The following ADAMTSL1 variants were observed in gnomAD, a reference collection of about 807,000 sequenced individuals.
The protein encoded by ADAMTSL1 is ADAMTS like 1.
Under a neutral mutation model 201.8 loss-of-function variants are expected in ADAMTSL1, and 126 were observed. The observed-to-expected ratio is 0.62, with a 90% CI of 0.54 to 0.72. The LOEUF (loss-of-function observed/expected upper bound fraction) is 0.72, where lower values mean the gene tolerates loss of function less well. Ranked by LOEUF, ADAMTSL1 falls within the 30% of genes least tolerant of loss-of-function variation. The probability of loss-of-function intolerance (pLI) is 0.00; values close to 1 mark genes in which losing one functional copy is unlikely to be tolerated. For synonymous variants in ADAMTSL1, 1,121 were observed against 903.4 expected (o/e 1.24, Z -4.32); for missense variants, 2,679 against 2,277.8 (o/e 1.18, Z -3.59).
rs201500189 is a variant in ADAMTSL1 at position 17,975,503 on chromosome 9, C to G, written c.87+68581C>G. Among the ~76,000 whole-genome samples, 43 of 152,120 alleles carry G rather than the reference C, an allele frequency of 2.8e-4. No homozygotes were observed. In the East Asian group the frequency reaches 8.1e-3, roughly 29 times the overall value. On this transcript the variant is annotated intron_variant, in intron 1 of 29. Transcript: ENST00000680146. ...AGAGCACTAATACCATTCGTGAGGG[C>G]TGAGCCTAATCATCTCCCAAAGGCC...
At chr9:18,799,869 C>T (rs1038219566) in intron 20 of ADAMTSL1, among the ~76,000 whole-genome samples, 2 of 152,018 alleles carry the variant, frequency 1.3e-5, no homozygotes, top group Non-Finnish European at 2.9e-5. Context: ...TTCCTCTGTC[C>T]CTCCCCATCA....
intron 2 of ADAMTSL1, among the ~76,000 whole-genome samples, chr9:18,372,642 A>C (rs755808693): frequency 3.9e-5 from 6 of 152,312 alleles, no homozygotes; most frequent in Admixed American, 1.3e-4. Flanking sequence ...GTGTTCACCA[A>C]CATTATAAAA....
intron 1 of ADAMTSL1, among the ~76,000 whole-genome samples, chr9:18,033,336 C>T (rs1311548647): frequency 6.6e-6 from 1 of 152,134 alleles, no homozygotes; most frequent in Non-Finnish European, 1.5e-5. Context: ...GTACACATAT[C>T]AAAATACCAT....
At chr9:18,165,018 T>TA (rs913462602) in intron 2 of ADAMTSL1, among the ~76,000 whole-genome samples, 2 of 151,952 alleles carry the variant, frequency 1.3e-5, no homozygotes, top group African/African-American at 4.8e-5. Context: ...GGTGCTATAA[T>TA]ACATTTTCAT....
intron 2 of ADAMTSL1, among the ~76,000 whole-genome samples, chr9:18,200,920 C>A (rs1829418588): frequency 6.6e-6 from 1 of 151,814 alleles, no homozygotes; most frequent in South Asian, 2.1e-4. Context: ...CATAGTGGCC[C>A]TCAGACTCAT....
intron 2 of ADAMTSL1, among the ~76,000 whole-genome samples, chr9:18,196,944 C>T (rs1278461781): frequency 6.6e-6 from 1 of 152,072 alleles, no homozygotes; most frequent in Non-Finnish European, 1.5e-5. Context: ...AGAGTAGGCC[C>T]CTATAGCTTC....
At chr9:18,553,205 CCA>C (rs938675168) in intron 3 of ADAMTSL1, among the ~76,000 whole-genome samples, 18 of 144,698 alleles carry the variant, frequency 1.2e-4, no homozygotes, top group Non-Finnish European at 2.3e-4. Flanking sequence ...AGAGCTAGTC[CCA>C]GTCTTTTTTT....
intron 4 of ADAMTSL1, among the ~76,000 whole-genome samples, chr9:18,595,659 C>A (rs1245505455): frequency 2.6e-5 from 4 of 152,208 alleles, no homozygotes; most frequent in African/African-American, 9.6e-5. Context: ...TGGAATAGTG[C>A]CCCAGGGCAA....
At chr9:18,314,097 T>C (rs1260347853) in intron 2 of ADAMTSL1, among the ~76,000 whole-genome samples, 1 of 152,072 alleles carries the variant, frequency 6.6e-6, no homozygotes, top group Non-Finnish European at 1.5e-5. Flanking sequence ...ATGTCTATAA[T>C]CAGTAGGGAA....
At chr9:18,233,309 A>G (rs1255723195) in intron 2 of ADAMTSL1, among the ~76,000 whole-genome samples, 1 of 152,224 alleles carries the variant, frequency 6.6e-6, no homozygotes, top group African/African-American at 2.4e-5. Context: ...GAAAAACAAA[A>G]AATAACCTGT....
At chr9:18,327,245 C>G (rs1425217384) in intron 2 of ADAMTSL1, among the ~76,000 whole-genome samples, 1 of 152,198 alleles carries the variant, frequency 6.6e-6, no homozygotes, top group Non-Finnish European at 1.5e-5. Context: ...TCAACTGAAA[C>G]ATAAATAGAA....
At chr9:18,290,202 A>G (rs1833194259) in intron 2 of ADAMTSL1, among the ~76,000 whole-genome samples, 1 of 152,186 alleles carries the variant, frequency 6.6e-6, no homozygotes, top group South Asian at 2.1e-4. Flanking sequence ...AAGAGTGCCT[A>G]TACAGCACTC....
chr9:18,578,124 A>G (rs73431603), intron 4 of ADAMTSL1, among the ~76,000 whole-genome samples: 15,726 of 152,040 alleles, frequency 0.1, 943 homozygotes, highest in Middle Eastern at 0.16. Context: ...TCCTATGGCT[A>G]GTTAATGACA....
intron 2 of ADAMTSL1, among the ~76,000 whole-genome samples, chr9:18,168,998 T>G (rs763833233): frequency 2.4e-4 from 36 of 149,326 alleles, no homozygotes; most frequent in Admixed American, 6.1e-4. Context: ...TAAATTTGTT[T>G]GAGTTCATTG....
intron 2 of ADAMTSL1, among the ~76,000 whole-genome samples, chr9:18,229,987 G>A (rs561305443): frequency 7.2e-5 from 11 of 152,070 alleles, no homozygotes; most frequent in East Asian, 3.9e-4. Flanking sequence ...GTGTGCCACC[G>A]CACCCAGCCA....
intron 2 of ADAMTSL1, among the ~76,000 whole-genome samples, chr9:18,206,239 G>T (rs1829644866): frequency 6.6e-6 from 1 of 151,978 alleles, no homozygotes; most frequent in Non-Finnish European, 1.5e-5. Context: ...ATTTTTTTGT[G>T]TGTGTGTCCT....
At chr9:18,645,334 A>G (rs933691331) in intron 7 of ADAMTSL1, among the ~76,000 whole-genome samples, 1 of 152,144 alleles carries the variant, frequency 6.6e-6, no homozygotes. Flanking sequence ...CCCGTTTTGT[A>G]GGTTGCCTGT....
intron 1 of ADAMTSL1, among the ~76,000 whole-genome samples, chr9:18,033,564 C>A (rs545714727): frequency 3.9e-5 from 6 of 152,254 alleles, no homozygotes; most frequent in African/African-American, 1.4e-4. Context: ...TTCTAACCAG[C>A]CTGTTTCCCG....
intron 1 of ADAMTSL1, among the ~76,000 whole-genome samples, chr9:17,933,868 G>C (rs1042063810): frequency 4.6e-5 from 7 of 152,274 alleles, no homozygotes; most frequent in African/African-American, 1.7e-4. Context: ...TTTGACCAGA[G>C]ATTTTGGTGG....
Sources: allele counts gnomAD v4.1 joint callset (sites outside exome capture counted in the v4.1 genomes callset), GRCh38; gene constraint gnomAD v4.1.1; transcripts MANE v1.5; gene names NCBI Gene and HGNC (gene_info 2026-07-23, HGNC 2026-07-21).